The following ABCB11 variants were observed in gnomAD, a reference collection of about 807,000 sequenced individuals.
The protein encoded by ABCB11 is ATP binding cassette subfamily B member 11, also known as bile salt export pump.
A neutral mutation model predicts 148.0 loss-of-function variants in ABCB11; 95 were observed. That is an observed-to-expected ratio of 0.64 (90% CI 0.54 to 0.76). The LOEUF is 0.76. Among genes scored for constraint, ABCB11 ranks in the 30% least tolerant of loss-of-function variants. The pLI, the probability that ABCB11 is intolerant of heterozygous loss-of-function variation, is 0.00. For synonymous variants in ABCB11, 591 were observed against 555.4 expected, an observed-to-expected ratio of 1.06 and a Z score of -0.90; for missense variants, 1,523 against 1,617.8, an observed-to-expected ratio of 0.94 and a Z score of 1.01.
intron 2 of ABCB11, 74 bp downstream of exon 2, chr2:169,017,976 A>G (rs760861083): frequency 2.0e-5 from 26 of 1,310,342 alleles, no homozygotes; most frequent in Non-Finnish European, 2.7e-5. Context: ...GCTCCTTGAA[A>G]CTTGACCAGC....
intron 19 of ABCB11, among the ~76,000 whole-genome samples, chr2:168,948,509 T>G (rs1395190051): frequency 4.7e-5 from 7 of 150,182 alleles, no homozygotes; most frequent in Non-Finnish European, 1.5e-5. Context: ...GGTTTTTTTT[T>G]GTTGATGTTA....
In ABCB11 at chr2:168,923,739, C is replaced by T. The variant is rs566857672; in HGVS notation, c.3849G>A (p.Ala1283=). 9.9e-5 allele frequency: 160 copies of T among 1,613,800 alleles called. No individual in the cohort carries two copies. The highest frequency in any genetic ancestry group is 9.6e-4 in the East Asian group (43 of 44,858). Residue 1283 remains alanine (A), a synonymous_variant, in exon 28 of 28, where the codon GCG becomes GCA. Transcript: ENST00000650372. ...IAHRLSTIQN[A]DIIAVMAQGV... is the part of the protein sequence containing the mutation. ...CCTGTGCCATGACAGCAATGATATC[C>T]GCGTTCTGGATGGTGGACAAGCGAT...
chr2:169,005,507 C>T (rs540721510), intron 5 of ABCB11, among the ~76,000 whole-genome samples: 2 of 152,230 alleles, frequency 1.3e-5, no homozygotes, highest in South Asian at 4.1e-4. Flanking sequence ...CCTTAACCTG[C>T]TCCCACTCAG....
At chr2:168,956,630 A>G (rs574719510) in intron 19 of ABCB11, among the ~76,000 whole-genome samples, 4 of 151,630 alleles carry the variant, frequency 2.6e-5, no homozygotes, top group East Asian at 2.0e-4. Flanking sequence ...GGGATTATCT[A>G]GTCTCCCCTC....
rs519035 is a variant in ABCB11, at chr2:168,924,451, T to C, written c.3765+206A>G. On this transcript the variant is annotated intron_variant, in intron 27 of 27. Coordinates refer to ENST00000650372, the MANE Select transcript of ABCB11 (RefSeq NM_003742.4). ...GCCTAAAGAATCTTAAAAACAATTC[T>C]TATTTTAAAGGTAAAATATTTTTTT... 0.48 allele frequency among the ~76,000 whole-genome samples: 72,596 copies of C among 152,032 alleles called. 18,655 individuals are homozygous for C. The highest frequency in any genetic ancestry group is 0.66 in the South Asian group (3,174 of 4,822).
chr2:168,991,819 A>G (rs1467521271), intron 8 of ABCB11, among the ~76,000 whole-genome samples: 2 of 150,542 alleles, frequency 1.3e-5, no homozygotes, highest in African/African-American at 2.4e-5. Context: ...AACATGTAAC[A>G]GTAAGGAAAG....
chr2:168,988,932 C>T (rs1694422276), intron 9 of ABCB11, among the ~76,000 whole-genome samples: 1 of 152,104 alleles, frequency 6.6e-6, no homozygotes, highest in East Asian at 1.9e-4. Flanking sequence ...TGTATGTTTT[C>T]TTCTGAGAAA....
At chr2:168,975,884 T>C (rs986640352) in intron 12 of ABCB11, among the ~76,000 whole-genome samples, 6 of 97,956 alleles carry the variant, frequency 6.1e-5, no homozygotes, top group Non-Finnish European at 1.4e-4. Flanking sequence ...TCTGTGCAGA[T>C]AACAGAAATA....
At chr2:169,023,525 C>A (rs546691715) in intron 1 of ABCB11, among the ~76,000 whole-genome samples, 31 of 152,034 alleles carry the variant, frequency 2.0e-4, no homozygotes, top group Admixed American at 2.0e-3. Flanking sequence ...TACAAATGAA[C>A]AAGAGATTGA....
At chr2:168,959,514 G>A (rs143154555) in intron 18 of ABCB11, among the ~76,000 whole-genome samples, 1 of 151,634 alleles carries the variant, frequency 6.6e-6, no homozygotes, top group Non-Finnish European at 1.5e-5. Flanking sequence ...CTTAAAACGA[G>A]AGACTTGGAC....
In ABCB11 at chr2:168,969,532, A is replaced by G. The variant is rs765999088; in HGVS notation, c.1829T>C (p.Ile610Thr). 1.9e-5 allele frequency: 30 copies of G among 1,612,232 alleles called. No homozygotes were observed. In the Middle Eastern group the frequency reaches 9.9e-4, roughly 53 times the overall value. Reference protein sequence around the residue: ...VLSKIQHGHTIISVAHRLSTV... With the variant: ...VLSKIQHGHTTISVAHRLSTV... ...AGACAAGCGATGAGCAACTGAAATGATTGTGTGCCCATGCTGAATCTGTAA... is the reference window on the plus strand; with the variant it reads ...AGACAAGCGATGAGCAACTGAAATGGTTGTGTGCCCATGCTGAATCTGTAA... Residue 610 changes from isoleucine (I) to threonine (T), a missense_variant, in exon 16 of 28, where the codon ATC (isoleucine) becomes ACC (threonine). Ile to Thr is a moderately conservative substitution (Grantham distance 89, BLOSUM62 -1). Coordinates refer to ENST00000650372, the MANE Select transcript of ABCB11 (RefSeq NM_003742.4).
chr2:168,940,561 G>A lies in ABCB11; in HGVS notation c.2610+4044C>T, dbSNP rs141102480. 9.2e-5 allele frequency among the ~76,000 whole-genome samples: 14 copies of A among 152,214 alleles called. No individual in the cohort carries two copies. The East Asian group carries it at 2.7e-3, about 29-fold the overall frequency. On this transcript the variant is annotated intron_variant, in intron 21 of 27. Coordinates refer to ENST00000650372, the MANE Select transcript of ABCB11 (RefSeq NM_003742.4). ...TTAAGGAAAAAAGCATCTCCACAAT[G>A]TAAAAGTGCAAGGTGAAGCAGCAGT... is the stretch of plus-strand genomic sequence containing the variant.
At chr2:168,950,128 C>CGT (rs1692491953) in intron 19 of ABCB11, among the ~76,000 whole-genome samples, 1 of 146,326 alleles carries the variant, frequency 6.8e-6, no homozygotes, top group Non-Finnish European at 1.5e-5. Flanking sequence ...CTATTACTCC[C>CGT]ATATATATAT....
chr2:168,943,744 A>G (rs2105910670), intron 21 of ABCB11, among the ~76,000 whole-genome samples: 1 of 128,292 alleles, frequency 7.8e-6, no homozygotes, highest in East Asian at 2.5e-4. Context: ...ATTTTTGGTT[A>G]AACTGTCTAG....
intron 5 of ABCB11, among the ~76,000 whole-genome samples, chr2:168,999,790 T>C (rs143062480): frequency 8.4e-4 from 128 of 152,272 alleles, no homozygotes; most frequent in African/African-American, 2.9e-3. Context: ...AACATTTGTG[T>C]ATAGGTTTTT....
rs1243148431 is a variant in ABCB11, at chr2:168,969,524, C to T, written c.1837G>A (p.Val613Ile). Residue 613 changes from valine to isoleucine, a missense_variant, in exon 16 of 28, where the codon GTT (valine) becomes ATT (isoleucine). Transcript: ENST00000650372. ...KIQHGHTIIS[V>I]AHRLSTVRAA... ...CTGACCGTAGACAAGCGATGAGCAA[C>T]TGAAATGATTGTGTGCCCATGCTGA... 7.4e-6 allele frequency: 12 copies of T among 1,612,432 alleles called. No individual in the cohort carries two copies. The highest frequency in any genetic ancestry group is 3.3e-5 in the Admixed American group (2 of 59,834).
At chr2:168,983,826 G>C (rs1210290278) in intron 10 of ABCB11, among the ~76,000 whole-genome samples, 1 of 151,882 alleles carries the variant, frequency 6.6e-6, no homozygotes, top group African/African-American at 2.4e-5. Context: ...CCGGAATCTG[G>C]AGCTAAAAAA....
chr2:168,963,958 C>A (rs1186188612), intron 18 of ABCB11, among the ~76,000 whole-genome samples: 1 of 151,822 alleles, frequency 6.6e-6, no homozygotes, highest in African/African-American at 2.4e-5. Flanking sequence ...TTGTCTAAGA[C>A]AATTAACCCT....
At chr2:169,012,602 T>C (rs1241570498) in intron 5 of ABCB11, among the ~76,000 whole-genome samples, 3 of 151,720 alleles carry the variant, frequency 2.0e-5, no homozygotes, top group East Asian at 3.9e-4. Context: ...TAGCTGGGCA[T>C]AGTGGCGGGC....
Sources: allele counts gnomAD v4.1 joint callset (sites outside exome capture counted in the v4.1 genomes callset), GRCh38; gene constraint gnomAD v4.1.1; transcripts MANE v1.5; gene names NCBI Gene and HGNC (gene_info 2026-07-23, HGNC 2026-07-21).